BTAF1: variants seen among roughly 807,000 people sequenced by gnomAD.
BTAF1 encodes the protein B-TFIID TATA-box binding protein associated factor 1, also known as TATA-binding protein-associated factor 172.
In BTAF1, 38 loss-of-function variants were observed where a neutral mutation model predicts 227.1. That is an observed-to-expected ratio of 0.17 (90% CI 0.13 to 0.22). The LOEUF (loss-of-function observed/expected upper bound fraction) is 0.22. BTAF1 is among the 10% of genes least tolerant of loss of function. The pLI is 1.00. For synonymous variants in BTAF1, 742 were observed against 751.9 expected (o/e 0.99, Z 0.21); for missense variants, 1,598 against 2,204.0 (o/e 0.73, Z 5.51).
At position 91,944,133 on chromosome 10, in the gene BTAF1, CAA is replaced by C. The variant is rs1244457319; in HGVS notation, c.400+1566_400+1567del. ...GGCCATTGCACTCCAGCCTGGGTGACAAGAGTGAAACTCTGTCTCCAAATAAA... is the reference window on the plus strand; with the variant it reads ...GGCCATTGCACTCCAGCCTGGGTGACGAGTGAAACTCTGTCTCCAAATAAA... On this transcript the variant is annotated intron_variant, in intron 4 of 37. Coordinates refer to ENST00000265990, the MANE Select transcript of BTAF1 (RefSeq NM_003972.3). 8.9e-5 allele frequency among the ~76,000 whole-genome samples: 13 copies of C among 146,688 alleles called. No individual in the cohort carries two copies. The East Asian group carries it at 1.4e-3, about 16-fold the overall frequency.
Position 91,938,987 on chromosome 10 carries a change from AAAGG to A in BTAF1, c.139-964_139-961del, listed in dbSNP as rs779683242. Among the ~76,000 whole-genome samples, 446 of 127,596 alleles carry A rather than the reference AAAGG, an allele frequency of 3.5e-3. 2 individuals are homozygous for A. Among genetic ancestry groups the A allele is most frequent in the Admixed American group, 7.0e-3 (84 of 11,990 alleles). The allele number at this position is 127,596 out of a possible 152,430, so 83.7% of individuals were successfully genotyped here. On this transcript the variant is annotated intron_variant, in intron 2 of 37. Coordinates refer to ENST00000265990, the MANE Select transcript of BTAF1 (RefSeq NM_003972.3). ...TTTTCCATTTCTGCAAAAAAAAAAA[AAAGG>A]GGGGGGGGATTTTGATAGGAATTGT...
At chr10:91,982,003 T>C in intron 16 of BTAF1, 80 bp from the exon 17 acceptor site, 1 of 1,465,914 alleles carries the variant, frequency 6.8e-7, no homozygotes, top group Non-Finnish European at 9.1e-7. Flanking sequence ...GGGATTATTT[T>C]AAAAATATCA....
chr10:91,957,306 C>T lies in BTAF1; in HGVS notation c.900+13C>T. ...TCCCTCCTGGGAGGTAAGATTTCTT[C>T]ATTACAGTTTTTCTCAGCTCTATTT... On this transcript the variant is annotated intron_variant, in intron 8 of 37. Coordinates refer to ENST00000265990, the MANE Select transcript of BTAF1 (RefSeq NM_003972.3). The T allele has an allele frequency of 6.3e-7, 1 of 1,599,748 alleles. No homozygotes were observed. The highest frequency in any genetic ancestry group is 8.6e-7 in the Non-Finnish European group (1 of 1,168,984).
intron 34 of BTAF1, among the ~76,000 whole-genome samples, chr10:92,020,308 CTT>C (rs1357784761): frequency 6.6e-6 from 1 of 152,078 alleles, no homozygotes; most frequent in Non-Finnish European, 1.5e-5. Context: ...ATGTCACCCT[CTT>C]GGTGTTGCTT....
chr10:92,025,851 C>T (rs1047649769), intron 35 of BTAF1, among the ~76,000 whole-genome samples: 2 of 147,922 alleles, frequency 1.4e-5, no homozygotes, highest in African/African-American at 5.0e-5. Flanking sequence ...CCTAAGAGAT[C>T]ATTAGGCACA....
In BTAF1 at chr10:91,987,448, G is replaced by A. The variant is rs138391654; in HGVS notation, c.2428-1706G>A. Among the ~76,000 whole-genome samples, 147 of 151,912 alleles carry A rather than the reference G, an allele frequency of 9.7e-4. 1 individual carries two copies. The highest frequency in any genetic ancestry group is 3.4e-3 in the Middle Eastern group (1 of 290). On this transcript the variant is annotated intron_variant, in intron 19 of 37. Coordinates refer to ENST00000265990, the MANE Select transcript of BTAF1 (RefSeq NM_003972.3). ...CAGTGAACCAAGATCACGCCACTGC[G>A]CTCCAGCCTGGGTGACAGAGTGAGA... is the stretch of plus-strand genomic sequence containing the variant.
chr10:91,981,773 A>C lies in BTAF1; in HGVS notation c.1886A>C (p.Glu629Ala). 1 of 1,613,434 alleles carries C rather than the reference A, an allele frequency of 6.2e-7. No individual in the cohort carries two copies. The highest frequency in any genetic ancestry group is 1.1e-5 in the South Asian group (1 of 91,016). Residue 629 changes from glutamate (E) to alanine (A), a missense_variant, in exon 16 of 38, where the codon GAA (glutamate) becomes GCA (alanine). By Grantham distance (107) the Glu-to-Ala change is moderately radical. Coordinates refer to ENST00000265990, the MANE Select transcript of BTAF1 (RefSeq NM_003972.3). ...CCTATCGATTTAAATATGTTGCTAG[A>C]AGTAAAAGCTAGAGCCAAGGTAAGT... ...HLPIDLNMLL[E>A]VKARAKEKTG...
rs916622637 is a variant in BTAF1, at chr10:92,031,279, G to A, written c.*2346G>A. ...ATATTCACTCATATATATGCTTATT[G>A]TATATGCTTATTTATTCTACAAACA... On this transcript the variant is annotated 3_prime_UTR_variant, in exon 38 of 38. Coordinates refer to ENST00000265990, the MANE Select transcript of BTAF1 (RefSeq NM_003972.3). Among the ~76,000 whole-genome samples the A allele has an allele frequency of 1.3e-5, 2 of 152,188 alleles. No individual in the cohort carries two copies. The highest frequency in any genetic ancestry group is 4.2e-4 in the South Asian group (2 of 4,816).
chr10:92,007,210 CTTTTT>C (rs969389265), intron 25 of BTAF1, among the ~76,000 whole-genome samples: 8 of 61,278 alleles, frequency 1.3e-4, no homozygotes, highest in African/African-American at 4.8e-4. Flanking sequence ...TATTTTTTGT[CTTTTT>C]TTTTTTTTTT....
intron 1 of BTAF1, among the ~76,000 whole-genome samples, chr10:91,931,714 T>G (rs1373381725): frequency 6.6e-6 from 1 of 152,208 alleles, no homozygotes. Flanking sequence ...CTGGCCCTGA[T>G]GCTTACCCTG....
At chr10:92,007,420 T>C (rs1849998758) in intron 25 of BTAF1, among the ~76,000 whole-genome samples, 1 of 152,036 alleles carries the variant, frequency 6.6e-6, no homozygotes, top group Non-Finnish European at 1.5e-5. Flanking sequence ...TTTCACCATG[T>C]TGGCCAGGCT....
chr10:91,925,369 TA>T (rs1843753594), intron 1 of BTAF1, among the ~76,000 whole-genome samples: 1 of 152,206 alleles, frequency 6.6e-6, no homozygotes, highest in Admixed American at 6.5e-5. Flanking sequence ...GTAAACTTAA[TA>T]TAACATTTAT....
chr10:91,952,903 ATGGGCAGGTGTATTAGAAAG>A (rs2133864688), intron 5 of BTAF1, among the ~76,000 whole-genome samples: 1 of 152,346 alleles, frequency 6.6e-6, no homozygotes, highest in Admixed American at 6.5e-5. Context: ...AAGAAAATGA[ATGGGCAGGTGTATTAGAAAG>A]TGGGCTATAC....
rs201716825 is a variant in BTAF1, at chr10:92,008,010, CTT to C, written c.3661-111_3661-110del. ...TCTTTAACCTGATTTGTCTTCAAGT[CTT>C]TGTACAATTTTCAGAATTCTTTTTT... is the stretch of plus-strand genomic sequence containing the variant. On this transcript the variant is annotated intron_variant, in intron 25 of 37. Coordinates refer to ENST00000265990, the MANE Select transcript of BTAF1 (RefSeq NM_003972.3). 1.7e-3 allele frequency: 1,777 copies of C among 1,017,840 alleles called. 25 individuals are homozygous for C. In the African/African-American group the frequency reaches 0.026, roughly 15 times the overall value. The allele number at this position is 1,017,840 out of a possible 1,614,324, so 63.1% of individuals were successfully genotyped here. A position where few individuals can be genotyped will look rare whatever the true frequency, so the allele number is the denominator to read the frequency against.
chr10:91,949,154 A>T (rs1845583377), intron 4 of BTAF1, among the ~76,000 whole-genome samples: 5 of 152,052 alleles, frequency 3.3e-5, no homozygotes, highest in Admixed American at 2.6e-4. Flanking sequence ...CCTCCACAAA[A>T]AATAAAAAAT....
Position 92,029,465 on chromosome 10 carries a change from A to T in BTAF1, c.*532A>T, listed in dbSNP as rs1851752504. 1 of 152,394 alleles carries T rather than the reference A, an allele frequency of 6.6e-6. No homozygotes were observed. Among genetic ancestry groups the T allele is most frequent in the Non-Finnish European group, 1.5e-5 (1 of 67,934 alleles). 9.4% of individuals were successfully genotyped at this position (152,394 alleles called of 1,614,324 possible). ...TGAATTTAATCGGGCCCTTGGTGGA[A>T]ACATTTATATATTTAATGCAGATGC... On this transcript the variant is annotated 3_prime_UTR_variant, in exon 38 of 38. Coordinates refer to ENST00000265990, the MANE Select transcript of BTAF1 (RefSeq NM_003972.3).
Position 92,029,041 on chromosome 10 carries a change from C to T in BTAF1, c.*108C>T, listed in dbSNP as rs1431934847. 6.8e-6 allele frequency: 7 copies of T among 1,027,140 alleles called. No individual in the cohort carries two copies. The Admixed American group carries it at 2.0e-4, about 29-fold the overall frequency. The allele number at this position is 1,027,140 out of a possible 1,614,324, so 63.6% of individuals were successfully genotyped here. A position where few individuals can be genotyped will look rare whatever the true frequency, so the allele number is the denominator to read the frequency against. On this transcript the variant is annotated 3_prime_UTR_variant, in exon 38 of 38. Transcript: ENST00000265990. ...CTTTTAACTCAATGTGTAAATAGAT[C>T]TGGAGAATATTCAGCATAATGCTGG... is the stretch of plus-strand genomic sequence containing the variant.
At chr10:91,945,911 A>C (rs900656194) in intron 4 of BTAF1, among the ~76,000 whole-genome samples, 1 of 152,204 alleles carries the variant, frequency 6.6e-6, no homozygotes, top group Non-Finnish European at 1.5e-5. Flanking sequence ...ACAGTACACA[A>C]GGGTTCCAAT....
intron 19 of BTAF1, among the ~76,000 whole-genome samples, chr10:91,986,562 CT>C (rs1277475921): frequency 6.6e-6 from 1 of 151,592 alleles, no homozygotes; most frequent in Non-Finnish European, 1.5e-5. Context: ...TTTTTTCCCC[CT>C]GGGTTCTCTT....
Sources: gnomAD v4.1 joint callset for allele counts (sites outside exome capture counted in the v4.1 genomes callset) on GRCh38, gnomAD v4.1.1 for gene constraint, MANE v1.5 for transcripts, NCBI Gene and HGNC (gene_info 2026-07-23, HGNC 2026-07-21) for gene names.